The following DIAPH1 variants were observed in gnomAD, a reference collection of about 807,000 sequenced individuals.
The protein encoded by DIAPH1 is protein diaphanous homolog 1.
Under a neutral mutation model 140.7 loss-of-function variants are expected in DIAPH1, and 46 were observed. The ratio of observed to expected loss-of-function variants is 0.33; its 90% CI spans 0.26 to 0.42. The LOEUF (loss-of-function observed/expected upper bound fraction) is 0.42, where lower values mean the gene tolerates loss of function less well. Among genes scored for constraint, DIAPH1 ranks in the 10% least tolerant of loss-of-function variants. The pLI, the probability that DIAPH1 is intolerant of heterozygous loss-of-function variation, is 1.00. For missense variants in DIAPH1, 1,310 were observed against 1,558.7 expected, an observed-to-expected ratio of 0.84 and a Z score of 2.69; for synonymous variants, 565 against 551.6, an observed-to-expected ratio of 1.02 and a Z score of -0.34.
Position 141,606,134 on chromosome 5 carries a change from T to C in DIAPH1, c.117+12664A>G, listed in dbSNP as rs1345278887. The stretch of plus-strand genomic sequence containing the variant: ...AATGAAGGAACTGAAGGAATTCTTA[T>C]AGCTCTGGGTGGGAGTATATGTGCT... On this transcript the variant is annotated intron_variant, in intron 1 of 27. Coordinates refer to ENST00000389054, the MANE Select transcript of DIAPH1 (RefSeq NM_005219.5). Among the ~76,000 whole-genome samples, 4 of 152,176 alleles carry C rather than the reference T, an allele frequency of 2.6e-5. No individual in the cohort carries two copies. In the South Asian group the frequency reaches 8.3e-4, roughly 31 times the overall value.
rs1471001697 is a variant in DIAPH1, at chr5:141,569,242, G to A, written c.2482+2186C>T. Among the ~76,000 whole-genome samples, 3 of 152,052 alleles carry A rather than the reference G, an allele frequency of 2.0e-5. No individual in the cohort carries two copies. In the East Asian group the frequency reaches 5.8e-4, roughly 29 times the overall value. ...ACTTTGGAGTCACTGTTTGGAGTCT[G>A]AATTCTGACACTTTTTATACAGTTT... On this transcript the variant is annotated intron_variant, in intron 18 of 27. Transcript: ENST00000389054.
intron 19 of DIAPH1, among the ~76,000 whole-genome samples, chr5:141,531,545 C>T (rs1404687691): frequency 6.6e-6 from 1 of 152,036 alleles, no homozygotes; most frequent in Non-Finnish European, 1.5e-5. Flanking sequence ...TGGTGTGCAA[C>T]GGCATGGTGT....
At chr5:141,580,217 G>A (rs752177843) in intron 8 of DIAPH1, among the ~76,000 whole-genome samples, 3 of 152,196 alleles carry the variant, frequency 2.0e-5, no homozygotes, top group Non-Finnish European at 4.4e-5. Flanking sequence ...ATAGGCATAA[G>A]TGTCATTCCT....
chr5:141,579,904 C>T (rs1269911249), intron 8 of DIAPH1, among the ~76,000 whole-genome samples: 6 of 149,908 alleles, frequency 4.0e-5, no homozygotes, highest in South Asian at 2.1e-4. Flanking sequence ...GCCGAGATCG[C>T]GCCACTGCAC....
Position 141,528,888 on chromosome 5 carries a change from T to C in DIAPH1, c.2832A>G (p.Leu944=). ...RPRLNAILFK[L]QFSEQVENIK... ...TATTCTCCACTTGCTCGCTGAATTG[T>C]AGCTTGAAGAGAATGGCATTGAGGC... Residue 944 remains leucine (L), a synonymous_variant, in exon 22 of 28, where the codon CTA becomes CTG. Coordinates refer to ENST00000389054, the MANE Select transcript of DIAPH1 (RefSeq NM_005219.5). The C allele has an allele frequency of 1.9e-6, 3 of 1,614,186 alleles. No homozygotes were observed. The highest frequency in any genetic ancestry group is 1.7e-6 in the Non-Finnish European group (2 of 1,180,044).
intron 1 of DIAPH1, among the ~76,000 whole-genome samples, chr5:141,591,542 G>A (rs1169335879): frequency 6.6e-6 from 1 of 150,744 alleles, no homozygotes; most frequent in African/African-American, 2.5e-5. Flanking sequence ...AATTACTGAG[G>A]TCATATGATT....
At chr5:141,561,907 T>G (rs1389576935) in intron 18 of DIAPH1, 1 of 152,176 alleles carries the variant, frequency 6.6e-6, no homozygotes, top group African/African-American at 2.4e-5. Context: ...AAAAATAAGG[T>G]AGGCCACTCC....
At chr5:141,543,470 C>T (rs909117680) in intron 18 of DIAPH1, among the ~76,000 whole-genome samples, 3 of 152,166 alleles carry the variant, frequency 2.0e-5, no homozygotes, top group Admixed American at 6.6e-5. Context: ...TGAATACAGA[C>T]TATCCCTGAC....
chr5:141,538,067 T>TG (rs954554728), intron 18 of DIAPH1, among the ~76,000 whole-genome samples: 1 of 146,628 alleles, frequency 6.8e-6, no homozygotes, highest in Admixed American at 6.8e-5. Context: ...GTTTTTTTGT[T>TG]TTTTTTTTTT....
At chr5:141,600,168 G>T (rs938573780) in intron 1 of DIAPH1, among the ~76,000 whole-genome samples, 4 of 151,074 alleles carry the variant, frequency 2.6e-5, no homozygotes, top group African/African-American at 9.7e-5. Flanking sequence ...CCAAAAGGCA[G>T]ATTATAGGCA....
chr5:141,548,063 G>C (rs1021216010), intron 18 of DIAPH1, among the ~76,000 whole-genome samples: 1 of 152,078 alleles, frequency 6.6e-6, no homozygotes, highest in Non-Finnish European at 1.5e-5. Context: ...GCTGGATGCG[G>C]TGGTGCACGC....
Position 141,578,336 on chromosome 5 carries a change from C to T in DIAPH1, c.1052G>A (p.Arg351Gln), listed in dbSNP as rs201545942. The change falls in exon 11 of 28, where the codon CGA (arginine) becomes CAA (glutamine). Residue 351 changes from arginine (R) to glutamine (Q), a missense_variant. This residue lies in a region of DIAPH1 where 377 missense variants were observed against 497.1 expected (regional missense o/e 0.76). Coordinates refer to ENST00000389054, the MANE Select transcript of DIAPH1 (RefSeq NM_005219.5). ...LGLHQVLQDL[R>Q]EIENEDMRVQ... ...TCTCATATCTTCATTTTCAATCTCT[C>T]GAAGGTCCTGTCAACAACAAAAGTA... The T allele has an allele frequency of 2.2e-5, 35 of 1,613,046 alleles. 1 individual carries two copies. The highest frequency in any genetic ancestry group is 6.7e-5 in the East Asian group (3 of 44,878).
Position 141,578,268 on chromosome 5 carries a change from A to G in DIAPH1, c.1120T>C (p.Tyr374His). ...TCATCCAGCCGTCCCTTCAGGTCAT[A>G]GGAATCCTCTTCCCCTTGTTCATCA... Reference protein sequence around the residue: ...VFDEQGEEDSYDLKGRLDDIR... With the variant: ...VFDEQGEEDSHDLKGRLDDIR... Residue 374 changes from tyrosine (Y) to histidine (H), a missense_variant, in exon 11 of 28, where the codon TAT (tyrosine) becomes CAT (histidine). Tyr to His is a moderately conservative substitution (Grantham distance 83). This residue lies in a region of DIAPH1 where 377 missense variants were observed against 497.1 expected (regional missense o/e 0.76). Transcript: ENST00000389054. The G allele has an allele frequency of 6.2e-7, 1 of 1,614,138 alleles. No homozygotes were observed. The highest frequency in any genetic ancestry group is 8.5e-7 in the Non-Finnish European group (1 of 1,179,996).
chr5:141,529,680 A>C lies in DIAPH1; in HGVS notation c.2599T>G (p.Phe867Val). The C allele has an allele frequency of 1.9e-6, 3 of 1,614,142 alleles. No individual in the cohort carries two copies. Among genetic ancestry groups the C allele is most frequent in the Non-Finnish European group, 2.5e-6 (3 of 1,179,980 alleles). Residue 867 changes from phenylalanine (F) to valine (V), a missense_variant, in exon 20 of 28, where the codon TTC becomes GTC. Physicochemically the swap from Phe to Val is conservative, Grantham distance 50 (BLOSUM62 -1). Coordinates refer to ENST00000389054, the MANE Select transcript of DIAPH1 (RefSeq NM_005219.5). ...TTAATCTCTTGATAGGGCATGCGGAAGGAACCCAAAAAGATTGCTGCCAGA... is the reference window on the plus strand; with the variant it reads ...TTAATCTCTTGATAGGGCATGCGGACGGAACCCAAAAAGATTGCTGCCAGA... The part of the protein sequence containing the change: ...AQNLSIFLGS[F>V]RMPYQEIKNV...
chr5:141,589,970 C>T (rs1046731477), intron 1 of DIAPH1, among the ~76,000 whole-genome samples: 3 of 151,472 alleles, frequency 2.0e-5, no homozygotes, highest in African/African-American at 4.9e-5. Context: ...AGGCTGGTCT[C>T]GAACCCCTGG....
chr5:141,600,242 A>G (rs1407610375), intron 1 of DIAPH1, among the ~76,000 whole-genome samples: 2 of 152,248 alleles, frequency 1.3e-5, no homozygotes, highest in African/African-American at 2.4e-5. Context: ...CCTCAGCCCT[A>G]TAACTGCAAG....
Position 141,528,914 on chromosome 5 carries a change from G to T in DIAPH1, c.2806C>A (p.Arg936Ser). 2 of 1,613,980 alleles carry T rather than the reference G, an allele frequency of 1.2e-6. No homozygotes were observed. Among genetic ancestry groups the T allele is most frequent in the Non-Finnish European group, 1.7e-6 (2 of 1,180,038 alleles). The change falls in exon 22 of 28, where the codon CGC becomes AGC. Residue 936 changes from arginine to serine, a missense_variant. Physicochemically the swap from Arg to Ser is moderately radical, Grantham distance 110 (BLOSUM62 -1). Transcript: ENST00000389054. Reference protein sequence around the residue: ...VMGTVPRLRPRLNAILFKLQF... With the variant: ...VMGTVPRLRPSLNAILFKLQF... Reference sequence around the variant, plus strand: ...AGCTTGAAGAGAATGGCATTGAGGCGAGGCCGCAGTCGGGGCACAGTGCCC... The same window carrying T: ...AGCTTGAAGAGAATGGCATTGAGGCTAGGCCGCAGTCGGGGCACAGTGCCC...
Position 141,516,843 on chromosome 5 carries a change from G to T in DIAPH1, c.*8C>A, listed in dbSNP as rs199867769. 1 of 1,613,992 alleles carries T rather than the reference G, an allele frequency of 6.2e-7. No individual in the cohort carries two copies. The highest frequency in any genetic ancestry group is 1.1e-5 in the South Asian group (1 of 91,070). ...CGCTGAGGAGCTGCCGCGGTCACAG[G>T]ACCCACATTAGCTTGCACGGCCAAC... is the stretch of plus-strand genomic sequence containing the variant. On this transcript the variant is annotated 3_prime_UTR_variant, in exon 28 of 28. Transcript: ENST00000389054.
At chr5:141,603,403 C>T (rs540997162) in intron 1 of DIAPH1, among the ~76,000 whole-genome samples, 51 of 152,320 alleles carry the variant, frequency 3.3e-4, no homozygotes, top group African/African-American at 1.2e-3. Context: ...AGAATTCATA[C>T]AACAGCCAAC....
Sources: allele counts gnomAD v4.1 joint callset (sites outside exome capture counted in the v4.1 genomes callset), GRCh38; gene constraint gnomAD v4.1.1; regional missense constraint gnomAD v4.1.1; transcripts MANE v1.5; gene names NCBI Gene and HGNC (gene_info 2026-07-23, HGNC 2026-07-21).